The following SLC2A13 variants were observed in gnomAD, a reference collection of about 807,000 sequenced individuals.
SLC2A13 encodes proton myo-inositol cotransporter.
In SLC2A13, 32 loss-of-function variants were observed where a neutral mutation model predicts 64.4. The ratio of observed to expected loss-of-function variants is 0.50; its 90% confidence interval spans 0.37 to 0.67. The LOEUF is 0.67. SLC2A13 is among the 30% of genes least tolerant of loss of function. The pLI, the probability that SLC2A13 is intolerant of heterozygous loss-of-function variation, is 0.00. For missense variants in SLC2A13, 743 were observed against 829.2 expected, an observed-to-expected ratio of 0.90 and a Z score of 1.28; for synonymous variants, 338 against 327.1, an observed-to-expected ratio of 1.03 and a Z score of -0.36.
In SLC2A13 at chr12:39,756,466, TTTG is replaced by T. The variant is rs1264655021; in HGVS notation, c.*3557_*3559del. The T allele has an allele frequency of 2.6e-5, 4 of 151,860 alleles. No homozygotes were observed. The highest frequency in any genetic ancestry group is 9.7e-5 in the African/African-American group (4 of 41,414). The allele number at this position is 151,860 out of a possible 1,614,324, so 9.4% of individuals were successfully genotyped here. A position where few individuals can be genotyped will look rare whatever the true frequency, so the allele number is the denominator to read the frequency against. On this transcript the variant is annotated 3_prime_UTR_variant, in exon 10 of 10. Coordinates refer to ENST00000280871, the MANE Select transcript of SLC2A13 (RefSeq NM_052885.4). ...GATTATAACAAAACGTCTCATTAAT[TTTG>T]TTGTTTTTAATAATTGTGCTGATGA...
intron 4 of SLC2A13, among the ~76,000 whole-genome samples, chr12:39,941,076 T>C (rs1369837265): frequency 1.3e-5 from 2 of 151,900 alleles, no homozygotes; most frequent in Admixed American, 6.6e-5. Context: ...TATTCCATCA[T>C]ATATATATGA....
intron 3 of SLC2A13, among the ~76,000 whole-genome samples, chr12:39,964,214 ACTCT>A (rs1946465871): frequency 6.6e-6 from 1 of 152,074 alleles, no homozygotes; most frequent in Non-Finnish European, 1.5e-5. Context: ...CCCTCCCTCA[ACTCT>A]CTTTTTCTAT....
At chr12:39,894,895 A>T (rs1944701316) in intron 4 of SLC2A13, among the ~76,000 whole-genome samples, 1 of 152,244 alleles carries the variant, frequency 6.6e-6, no homozygotes, top group Non-Finnish European at 1.5e-5. Context: ...ATATGAAACC[A>T]TCGGATGCTT....
chr12:39,884,613 G>A (rs1944426445), intron 4 of SLC2A13, among the ~76,000 whole-genome samples: 1 of 152,260 alleles, frequency 6.6e-6, no homozygotes, highest in Admixed American at 6.5e-5. Flanking sequence ...AATATCTGGG[G>A]ACTGTTCAGG....
At chr12:39,776,361 C>T (rs1250116632) in intron 7 of SLC2A13, among the ~76,000 whole-genome samples, 3 of 152,196 alleles carry the variant, frequency 2.0e-5, no homozygotes, top group African/African-American at 7.2e-5. Flanking sequence ...GTAGTGCTCC[C>T]CTGCAAAACC....
At chr12:40,074,665 A>G (rs918298463) in intron 1 of SLC2A13, among the ~76,000 whole-genome samples, 2 of 152,056 alleles carry the variant, frequency 1.3e-5, no homozygotes, top group African/African-American at 4.8e-5. Flanking sequence ...TCTGAGTTTG[A>G]TTCTGATGTT....
At position 39,838,106 on chromosome 12, in the gene SLC2A13, C is replaced by A. The variant is rs9668171; in HGVS notation, c.1320-7878G>T. On this transcript the variant is annotated intron_variant, in intron 6 of 9. Coordinates refer to ENST00000280871, the MANE Select transcript of SLC2A13 (RefSeq NM_052885.4). Reference sequence around the variant, plus strand: ...GGAACCAACCCAAATGTCCAACAATCATAGACTGGATTAAGAAAATGTGGC... The same window carrying A: ...GGAACCAACCCAAATGTCCAACAATAATAGACTGGATTAAGAAAATGTGGC... Among the ~76,000 whole-genome samples the A allele has an allele frequency of 6.8e-5, 10 of 146,436 alleles. No homozygotes were observed. The South Asian group carries it at 2.2e-3, about 32-fold the overall frequency.
intron 1 of SLC2A13, among the ~76,000 whole-genome samples, chr12:40,059,220 A>G (rs983158670): frequency 3.3e-5 from 5 of 152,124 alleles, no homozygotes; most frequent in Admixed American, 2.6e-4. Flanking sequence ...TTTTTATTAG[A>G]TTTTTACAAA....
At chr12:40,059,936 A>G (rs879665063) in intron 1 of SLC2A13, among the ~76,000 whole-genome samples, 13 of 152,286 alleles carry the variant, frequency 8.5e-5, no homozygotes, top group Non-Finnish European at 1.6e-4. Flanking sequence ...GGAGATCAAG[A>G]GAAGGCCAGG....
intron 3 of SLC2A13, among the ~76,000 whole-genome samples, chr12:39,952,999 TA>T (rs1439497155): frequency 1.8e-4 from 22 of 120,378 alleles, no homozygotes; most frequent in South Asian, 1.1e-3. Flanking sequence ...ATTTTTTTTT[TA>T]AAAAAAGACA....
At chr12:39,948,851 C>T (rs1342775769) in intron 4 of SLC2A13, among the ~76,000 whole-genome samples, 1 of 151,800 alleles carries the variant, frequency 6.6e-6, no homozygotes, top group African/African-American at 2.4e-5. Context: ...TCTGAATTAA[C>T]AAAGTAACAC....
At chr12:39,927,520 T>C (rs1945749452) in intron 4 of SLC2A13, among the ~76,000 whole-genome samples, 2 of 152,218 alleles carry the variant, frequency 1.3e-5, no homozygotes, top group African/African-American at 2.4e-5. Flanking sequence ...AATAAAATGT[T>C]TAATACTCCA....
intron 3 of SLC2A13, among the ~76,000 whole-genome samples, chr12:39,961,485 C>A (rs902863094): frequency 6.6e-6 from 1 of 152,168 alleles, no homozygotes; most frequent in Admixed American, 6.5e-5. Context: ...GGTTTACTAA[C>A]CTTTTATCAA....
chr12:39,838,271 C>T (rs1024624346), intron 6 of SLC2A13, among the ~76,000 whole-genome samples: 5 of 147,110 alleles, frequency 3.4e-5, no homozygotes, highest in African/African-American at 1.0e-4. Context: ...TATTCTCACT[C>T]GTAGGTGGGA....
chr12:40,076,853 T>C (rs961136836), intron 1 of SLC2A13, among the ~76,000 whole-genome samples: 12 of 152,170 alleles, frequency 7.9e-5, no homozygotes, highest in African/African-American at 2.9e-4. Context: ...ATAACTGCCA[T>C]TCTGACTGGT....
chr12:39,945,099 T>C (rs1332254038), intron 4 of SLC2A13, among the ~76,000 whole-genome samples: 1 of 152,212 alleles, frequency 6.6e-6, no homozygotes, highest in Admixed American at 6.5e-5. Context: ...AAAATGACTG[T>C]ATCCTTCCTT....
intron 3 of SLC2A13, among the ~76,000 whole-genome samples, chr12:39,965,222 A>T (rs1946487989): frequency 6.6e-6 from 1 of 152,238 alleles, no homozygotes. Flanking sequence ...GGCCTAAAGC[A>T]GTTGGTAACT....
chr12:39,889,257 T>C (rs925801627), intron 4 of SLC2A13, among the ~76,000 whole-genome samples: 1 of 152,202 alleles, frequency 6.6e-6, no homozygotes, highest in African/African-American at 2.4e-5. Flanking sequence ...CCAAATTTGT[T>C]ATCAATATAA....
chr12:39,895,551 T>TATATATAC (rs1246193316), intron 4 of SLC2A13, among the ~76,000 whole-genome samples: 2 of 66,766 alleles, frequency 3.0e-5, no homozygotes, highest in African/African-American at 1.2e-4. Flanking sequence ...TATATATATA[T>TATATATAC]ACACACACAC....
Sources: gnomAD v4.1 joint callset for allele counts (sites outside exome capture counted in the v4.1 genomes callset) on GRCh38, gnomAD v4.1.1 for gene constraint, MANE v1.5 for transcripts, NCBI Gene and HGNC (gene_info 2026-07-23, HGNC 2026-07-21) for gene names.